Variants in SDCCAG8 observed in about 807,000 individuals in gnomAD.
SDCCAG8 encodes serologically defined colon cancer antigen 8.
In SDCCAG8, 74 loss-of-function variants were observed where a neutral mutation model predicts 101.8. The observed-to-expected ratio is 0.73, with a 90% CI of 0.60 to 0.88. SDCCAG8 has a LOEUF of 0.88. Among genes scored for constraint, SDCCAG8 ranks in the 40% least tolerant of loss-of-function variants. The pLI, the probability that SDCCAG8 is intolerant of heterozygous loss-of-function variation, is 0.00. For missense variants in SDCCAG8, 787 were observed against 822.6 expected, an observed-to-expected ratio of 0.96 and a Z score of 0.53; for synonymous variants, 281 against 292.9, an observed-to-expected ratio of 0.96 and a Z score of 0.41.
chr1:243,367,288 C>T (rs1241954045), intron 12 of SDCCAG8, among the ~76,000 whole-genome samples: 2 of 152,024 alleles, frequency 1.3e-5, no homozygotes, highest in African/African-American at 2.4e-5. Flanking sequence ...AGATGTCCCA[C>T]CAGAAAAGAT....
Position 243,378,748 on chromosome 1 carries a change from G to T in SDCCAG8, c.1501G>T (p.Asp501Tyr). 1 of 1,614,038 alleles carries T rather than the reference G, an allele frequency of 6.2e-7. No individual in the cohort carries two copies. The highest frequency in any genetic ancestry group is 1.1e-5 in the South Asian group (1 of 91,080). ...QEIEKLRIEL[D>Y]ESKQHLEQEQ... Reference sequence around the variant, plus strand: ...AATAGAGAAATTGAGAATAGAACTGGATGAAAGCAAACAACACTTGGAACA... The same window carrying T: ...AATAGAGAAATTGAGAATAGAACTGTATGAAAGCAAACAACACTTGGAACA... The change falls in exon 13 of 18, where the codon GAT (aspartate) becomes TAT (tyrosine). Residue 501 changes from aspartate (D) to tyrosine (Y), a missense_variant. Transcript: ENST00000366541.
At chr1:243,412,416 T>C (rs1299068386) in intron 13 of SDCCAG8, among the ~76,000 whole-genome samples, 1 of 152,186 alleles carries the variant, frequency 6.6e-6, no homozygotes, top group African/African-American at 2.4e-5. Flanking sequence ...AATCTCATAA[T>C]GTTTTAAGGA....
rs139480389 is a variant in SDCCAG8, at chr1:243,308,368, A to G, written c.929+191A>G. Among the ~76,000 whole-genome samples the G allele has an allele frequency of 6.6e-5, 10 of 152,354 alleles. No individual in the cohort carries two copies. The Middle Eastern group carries it at 0.01, about 155-fold the overall frequency. On this transcript the variant is annotated intron_variant, in intron 8 of 17. Transcript: ENST00000366541. ...AATGGGTGGGTTCTGCCATGTCACC[A>G]TGTCACTTTGAACAGAAACCATGCC...
At chr1:243,307,557 A>T in intron 7 of SDCCAG8, 2 of 983,396 alleles carry the variant, frequency 2.0e-6, no homozygotes, top group African/African-American at 1.7e-5. Flanking sequence ...TTAAGAGATT[A>T]ATGCTTGAAA....
At chr1:243,378,604 A>G in intron 12 of SDCCAG8, 117 bp from the exon 13 acceptor site, 2 of 1,166,834 alleles carry the variant, frequency 1.7e-6, no homozygotes, top group Non-Finnish European at 2.5e-6. Flanking sequence ...GCTAGCCTAA[A>G]TTTTCTAATA....
At chr1:243,483,956 C>G (rs577648585) in intron 16 of SDCCAG8, among the ~76,000 whole-genome samples, 2 of 152,190 alleles carry the variant, frequency 1.3e-5, no homozygotes, top group Non-Finnish European at 2.9e-5. Context: ...GCCAACCCTT[C>G]CCAGGCAAAT....
intron 8 of SDCCAG8, among the ~76,000 whole-genome samples, chr1:243,311,655 C>T (rs1198764060): frequency 6.6e-6 from 1 of 152,050 alleles, no homozygotes; most frequent in Non-Finnish European, 1.5e-5. Flanking sequence ...TGGCTCATGC[C>T]TGTAATCCCA....
chr1:243,352,983 G>A (rs1423247924), intron 12 of SDCCAG8, among the ~76,000 whole-genome samples: 1 of 152,154 alleles, frequency 6.6e-6, no homozygotes, highest in Admixed American at 6.5e-5. Context: ...GACAGATTTA[G>A]AGCCCTTTTG....
At position 243,271,801 on chromosome 1, in the gene SDCCAG8, C is replaced by T. The variant is rs188795769; in HGVS notation, c.306+738C>T. ...TCAGGAAATCCATCAGCCTCGGCCT[C>T]CCAAAGCACCGGGATTATAGGTGTG... On this transcript the variant is annotated intron_variant, in intron 3 of 17. Coordinates refer to ENST00000366541, the MANE Select transcript of SDCCAG8 (RefSeq NM_006642.5). Among the ~76,000 whole-genome samples the T allele has an allele frequency of 3.5e-3, 528 of 152,254 alleles. 4 individuals carry two copies. The highest frequency in any genetic ancestry group is 0.012 in the African/African-American group (516 of 41,514).
chr1:243,373,722 A>T (rs984255491), intron 12 of SDCCAG8, among the ~76,000 whole-genome samples: 1 of 152,168 alleles, frequency 6.6e-6, no homozygotes, highest in African/African-American at 2.4e-5. Flanking sequence ...ATGAAATTAT[A>T]TGGCTAAGCC....
rs756907665 is a variant in SDCCAG8, at chr1:243,286,398, G to A, written c.546+1G>A. ...GGAACAAACACTTCTGGATGCATCC[G>A]TGAGCATTATTTTAAATCATAAATT... On this transcript the variant is annotated splice_donor_variant, in intron 5 of 17. Coordinates refer to ENST00000366541, the MANE Select transcript of SDCCAG8 (RefSeq NM_006642.5). LOFTEE classifies it high-confidence loss of function. 8 of 1,613,742 alleles carry A rather than the reference G, an allele frequency of 5.0e-6. No individual in the cohort carries two copies. Among genetic ancestry groups the A allele is most frequent in the African/African-American group, 2.7e-5 (2 of 74,934 alleles).
chr1:243,280,214 T>C (rs1209790812), intron 4 of SDCCAG8, among the ~76,000 whole-genome samples: 1 of 152,174 alleles, frequency 6.6e-6, no homozygotes, highest in Non-Finnish European at 1.5e-5. Context: ...TTCTTTGTTA[T>C]CCTGTTTTTT....
rs2067980410 is a variant in SDCCAG8 at position 243,270,269 on chromosome 1, T to TTACA, written c.220+12_220+13insTACA. 10 of 1,613,564 alleles carry TTACA rather than the reference T, an allele frequency of 6.2e-6. No individual in the cohort carries two copies. In the East Asian group the frequency reaches 2.2e-4, roughly 36 times the overall value. On this transcript the variant is annotated intron_variant, in intron 2 of 17. Transcript: ENST00000366541. ...ACAGAGCCATGCTGGTGAGTGTGAATGTCAATCCTAGTCTGAATGATGCAT... is the reference window on the plus strand; with the variant it reads ...ACAGAGCCATGCTGGTGAGTGTGAATTACAGTCAATCCTAGTCTGAATGATGCAT...
At chr1:243,486,270 T>G (rs1228017087) in intron 16 of SDCCAG8, among the ~76,000 whole-genome samples, 1 of 151,282 alleles carries the variant, frequency 6.6e-6, no homozygotes, top group Non-Finnish European at 1.5e-5. Flanking sequence ...AGTGTTCAAG[T>G]TGATTTAAAA....
intron 16 of SDCCAG8, among the ~76,000 whole-genome samples, chr1:243,470,788 G>A (rs1200041974): frequency 3.3e-5 from 5 of 152,152 alleles, no homozygotes; most frequent in African/African-American, 2.4e-5. Context: ...AGCATCACAA[G>A]GATTCCCAGA....
rs1662053445 is a variant in SDCCAG8, at chr1:243,474,758, C to T, written c.1986-14256C>T. ...CGCGGCGTGGCAGCGCAGGGCTCGG[C>T]TAGATGCGCTCCTCCTCGGACTGGT... is the stretch of plus-strand genomic sequence containing the variant. On this transcript the variant is annotated intron_variant, in intron 16 of 17. Transcript: ENST00000366541. This position sits in a 1 kb window ranked among gnomAD's most constrained non-coding sequence, Gnocchi z 4.7. Among the ~76,000 whole-genome samples, 1 of 152,226 alleles carries T rather than the reference C, an allele frequency of 6.6e-6. No individual in the cohort carries two copies. Among genetic ancestry groups the T allele is most frequent in the South Asian group, 2.1e-4 (1 of 4,838 alleles).
chr1:243,458,225 G>C lies in SDCCAG8; in HGVS notation c.1986-30789G>C, dbSNP rs965638327. ...AACCATCCTTTAGCCTCCCTGGCCA[G>C]GGACCCTGGCCTCTGCTTTTGTGTT... is the stretch of plus-strand genomic sequence containing the variant. On this transcript the variant is annotated intron_variant, in intron 16 of 17. Transcript: ENST00000366541. This position sits in a 1 kb window ranked among gnomAD's most constrained non-coding sequence, Gnocchi z 4.5. Among the ~76,000 whole-genome samples, 2 of 152,152 alleles carry C rather than the reference G, an allele frequency of 1.3e-5. No individual in the cohort carries two copies. Among genetic ancestry groups the C allele is most frequent in the African/African-American group, 4.8e-5 (2 of 41,424 alleles).
intron 13 of SDCCAG8, among the ~76,000 whole-genome samples, chr1:243,394,852 T>G (rs979206098): frequency 3.7e-5 from 4 of 107,936 alleles, no homozygotes; most frequent in Admixed American, 8.7e-5. Context: ...TCTTTTTCTG[T>G]TTTTTTTTTT....
chr1:243,265,844 A>G (rs1003201908), intron 1 of SDCCAG8, among the ~76,000 whole-genome samples: 3 of 151,534 alleles, frequency 2.0e-5, no homozygotes, highest in African/African-American at 7.3e-5. Flanking sequence ...CCTTTCTTGT[A>G]ATCTGATGAA....
Sources: gnomAD v4.1 joint callset for allele counts (sites outside exome capture counted in the v4.1 genomes callset) on GRCh38, gnomAD v4.1.1 for gene constraint, Gnocchi (gnomAD v3.1) non-coding constraint, MANE v1.5 for transcripts, NCBI Gene and HGNC (gene_info 2026-07-23, HGNC 2026-07-21) for gene names.